The following ARB2A variants were observed in gnomAD, a reference collection of about 807,000 sequenced individuals.
ARB2A encodes cotranscriptional regulator ARB2A.
At chr5:94,015,040 G>A in the ARB2A span, among the ~76,000 whole-genome samples, 362 of 151,998 alleles carry the variant, frequency 2.4e-3, 2 homozygotes, top group African/African-American at 8.3e-3. Flanking sequence ...CCAGGTACAT[G>A]AAGGCCAGAG....
chr5:93,827,028 C>T, the ARB2A span, among the ~76,000 whole-genome samples: 1 of 151,938 alleles, frequency 6.6e-6, no homozygotes, highest in Non-Finnish European at 1.5e-5. Context: ...CAAGTCTTTG[C>T]TATTGTGAAT....
At chr5:93,755,363 C>A in the ARB2A span, among the ~76,000 whole-genome samples, 1 of 152,174 alleles carries the variant, frequency 6.6e-6, no homozygotes, top group Non-Finnish European at 1.5e-5. Context: ...GAGAATTGGT[C>A]TTTAGAGGAG....
the ARB2A span, among the ~76,000 whole-genome samples, chr5:93,654,460 C>T: frequency 7.9e-5 from 12 of 152,162 alleles, no homozygotes; most frequent in Admixed American, 4.6e-4. Context: ...CTCAACAGAT[C>T]ACAGAAATGT....
chr5:93,638,443 C>T, the ARB2A span, among the ~76,000 whole-genome samples: 2 of 152,142 alleles, frequency 1.3e-5, no homozygotes, highest in African/African-American at 4.8e-5. Flanking sequence ...TGTCTTTTAG[C>T]TTTTTTCTTT....
the ARB2A span, among the ~76,000 whole-genome samples, chr5:93,922,664 AAGGGAGGGAGGGAGGGAGGG>A: frequency 3.1e-5 from 1 of 31,778 alleles, no homozygotes; most frequent in African/African-American, 1.3e-4. Context: ...GGGAGGGAGG[AAGGGAGGGAGGGAGGGAGGG>A]AGGGAGGGAG....
At chr5:93,900,381 G>A in the ARB2A span, among the ~76,000 whole-genome samples, 18 of 152,108 alleles carry the variant, frequency 1.2e-4, no homozygotes, top group Non-Finnish European at 2.1e-4. Context: ...GGGAGGCTGA[G>A]GTGGGTGGAT....
At chr5:93,860,024 G>A in the ARB2A span, among the ~76,000 whole-genome samples, 1 of 152,230 alleles carries the variant, frequency 6.6e-6, no homozygotes, top group Non-Finnish European at 1.5e-5. Context: ...GCCAGGCGCA[G>A]TGGCTCACAC....
the ARB2A span, among the ~76,000 whole-genome samples, chr5:94,105,314 C>CA: frequency 1.9e-4 from 29 of 151,920 alleles, no homozygotes; most frequent in East Asian, 1.7e-3. Context: ...AAATCAATGT[C>CA]AAAAAAATCA....
chr5:94,022,642 T>G, the ARB2A span, among the ~76,000 whole-genome samples: 1 of 152,238 alleles, frequency 6.6e-6, no homozygotes, highest in South Asian at 2.1e-4. Flanking sequence ...TTTGTTCAGT[T>G]ATACCTGTTA....
the ARB2A span, among the ~76,000 whole-genome samples, chr5:93,764,421 C>G: frequency 1.3e-5 from 2 of 152,152 alleles, no homozygotes; most frequent in Non-Finnish European, 2.9e-5. Context: ...CTATAAACAC[C>G]TCTATGCAAA....
At chr5:94,061,688 A>G in the ARB2A span, among the ~76,000 whole-genome samples, 3 of 152,174 alleles carry the variant, frequency 2.0e-5, no homozygotes, top group African/African-American at 7.2e-5. Context: ...TAAACATAAC[A>G]CCATTTATAA....
the ARB2A span, among the ~76,000 whole-genome samples, chr5:93,634,987 T>G: frequency 6.6e-6 from 1 of 152,194 alleles, no homozygotes; most frequent in Non-Finnish European, 1.5e-5. Flanking sequence ...TTGGCCAGGC[T>G]GCTCTCGAAC....
At chr5:93,786,657 C>T in the ARB2A span, among the ~76,000 whole-genome samples, 1 of 152,120 alleles carries the variant, frequency 6.6e-6, no homozygotes, top group Admixed American at 6.6e-5. Flanking sequence ...GGACTATTTA[C>T]CTCTGTTCCA....
chr5:93,957,671 T>C, the ARB2A span, among the ~76,000 whole-genome samples: 1 of 152,050 alleles, frequency 6.6e-6, no homozygotes, highest in Non-Finnish European at 1.5e-5. Flanking sequence ...TAAGAAATTC[T>C]ACTTTTAGCA....
At chr5:93,956,062 A>C in the ARB2A span, among the ~76,000 whole-genome samples, 1 of 152,254 alleles carries the variant, frequency 6.6e-6, no homozygotes, top group Admixed American at 6.5e-5. Flanking sequence ...TTATGCAATG[A>C]AGATTGTCAA....
chr5:93,796,707 C>A, the ARB2A span, among the ~76,000 whole-genome samples: 1 of 152,180 alleles, frequency 6.6e-6, no homozygotes, highest in Non-Finnish European at 1.5e-5. Context: ...TAAATGAACA[C>A]TTCCCAACCA....
the ARB2A span, among the ~76,000 whole-genome samples, chr5:93,947,360 C>A: frequency 6.6e-6 from 1 of 152,060 alleles, no homozygotes; most frequent in Non-Finnish European, 1.5e-5. Flanking sequence ...TCCTATTTCC[C>A]AAGATAAGTT....
At chr5:93,986,538 G>T in the ARB2A span, among the ~76,000 whole-genome samples, 8 of 152,254 alleles carry the variant, frequency 5.3e-5, no homozygotes, top group African/African-American at 1.9e-4. Flanking sequence ...AGCTCATTGA[G>T]AACGGGCCAT....
At chr5:94,014,174 A>C in the ARB2A span, among the ~76,000 whole-genome samples, 1 of 152,196 alleles carries the variant, frequency 6.6e-6, no homozygotes, top group Admixed American at 6.5e-5. Context: ...CACCGAATCA[A>C]GAGTGGTAGT....
Sources: gnomAD v4.1 joint callset for allele counts (sites outside exome capture counted in the v4.1 genomes callset) on GRCh38, gnomAD v4.1.1 for gene constraint, MANE v1.5 for transcripts, NCBI Gene and HGNC (gene_info 2026-07-23, HGNC 2026-07-21) for gene names.